Variants in SLC24A3 observed in about 807,000 individuals in gnomAD.
SLC24A3 encodes the protein solute carrier family 24 member 3.
In SLC24A3, 28 loss-of-function variants were observed where a neutral mutation model predicts 75.8. That is an observed-to-expected ratio of 0.37 (90% CI 0.27 to 0.51). The LOEUF is 0.51. Ranked by LOEUF, SLC24A3 falls within the 20% of genes least tolerant of loss-of-function variation. The pLI is 0.94. For missense variants in SLC24A3, 663 were observed against 847.8 expected (o/e 0.78, Z 2.71); for synonymous variants, 372 against 334.1 (o/e 1.11, Z -1.24).
At chr20:19,510,192 G>T (rs1292498328) in intron 2 of SLC24A3, among the ~76,000 whole-genome samples, 1 of 152,178 alleles carries the variant, frequency 6.6e-6, no homozygotes, top group Non-Finnish European at 1.5e-5. Context: ...GGCAACAAAT[G>T]CCCTTTGCAA....
intron 2 of SLC24A3, among the ~76,000 whole-genome samples, chr20:19,337,462 A>T (rs1476635451): frequency 1.7e-4 from 22 of 132,236 alleles, no homozygotes; most frequent in East Asian, 1.6e-3. Flanking sequence ...GTAAATAAAT[A>T]AATAAATAAA....
At chr20:19,273,774 A>T (rs545545582) in intron 1 of SLC24A3, among the ~76,000 whole-genome samples, 1 of 151,818 alleles carries the variant, frequency 6.6e-6, no homozygotes, top group African/African-American at 2.4e-5. Flanking sequence ...ATCCTCTTCC[A>T]TGAGCTGTCT....
intron 2 of SLC24A3, among the ~76,000 whole-genome samples, chr20:19,422,555 C>T (rs1310535662): frequency 2.6e-5 from 4 of 152,232 alleles, no homozygotes; most frequent in South Asian, 2.1e-4. Flanking sequence ...AAAATGCTGA[C>T]GGTCATTCTC....
intron 2 of SLC24A3, among the ~76,000 whole-genome samples, chr20:19,325,044 A>G (rs1600429837): frequency 6.8e-6 from 1 of 147,748 alleles, no homozygotes; most frequent in Non-Finnish European, 1.5e-5. Flanking sequence ...TAATGACACT[A>G]TCTCATTCTT....
intron 4 of SLC24A3, among the ~76,000 whole-genome samples, chr20:19,582,681 T>C (rs975657252): frequency 1.3e-5 from 2 of 152,274 alleles, no homozygotes; most frequent in African/African-American, 4.8e-5. Flanking sequence ...AGTCCAGAGA[T>C]ACCATTGCAG....
intron 2 of SLC24A3, among the ~76,000 whole-genome samples, chr20:19,439,359 AT>A (rs1987261768): frequency 6.6e-6 from 1 of 152,096 alleles, no homozygotes; most frequent in Admixed American, 6.5e-5. Context: ...GGTTTAAAAA[AT>A]TTTTTTCTTC....
At chr20:19,641,531 C>T (rs753369465) in intron 6 of SLC24A3, among the ~76,000 whole-genome samples, 1 of 152,184 alleles carries the variant, frequency 6.6e-6, no homozygotes, top group Non-Finnish European at 1.5e-5. Flanking sequence ...TGTGACTTCT[C>T]GAAATCTCAT....
intron 2 of SLC24A3, among the ~76,000 whole-genome samples, chr20:19,475,791 T>C (rs1367861839): frequency 6.6e-6 from 1 of 152,236 alleles, no homozygotes; most frequent in Non-Finnish European, 1.5e-5. Context: ...AATTTATTTT[T>C]AGATTTACCT....
chr20:19,417,287 A>G (rs1018895287), intron 2 of SLC24A3, among the ~76,000 whole-genome samples: 1 of 152,230 alleles, frequency 6.6e-6, no homozygotes, highest in Non-Finnish European at 1.5e-5. Context: ...GGAGACAACT[A>G]TTGGTTAAAC....
At chr20:19,453,177 C>G (rs539829623) in intron 2 of SLC24A3, among the ~76,000 whole-genome samples, 3 of 152,222 alleles carry the variant, frequency 2.0e-5, no homozygotes, top group African/African-American at 7.2e-5. Context: ...GAGACTCTGC[C>G]TCGAACAACA....
intron 6 of SLC24A3, among the ~76,000 whole-genome samples, chr20:19,630,933 G>A (rs143574657): frequency 0.011 from 1,746 of 152,290 alleles, 16 homozygotes; most frequent in Middle Eastern, 0.041. Flanking sequence ...GGTGGAGCAC[G>A]TTAGCTGCTT....
chr20:19,258,401 GA>G (rs1568570867), intron 1 of SLC24A3, among the ~76,000 whole-genome samples: 1 of 152,208 alleles, frequency 6.6e-6, no homozygotes, highest in Non-Finnish European at 1.5e-5. Context: ...AAATACAGAG[GA>G]ATAGTAATAA....
intron 2 of SLC24A3, among the ~76,000 whole-genome samples, chr20:19,412,035 C>G (rs7271207): frequency 0.17 from 26,496 of 152,036 alleles, 4,425 homozygotes; most frequent in African/African-American, 0.41. Context: ...ACGGCCTCTT[C>G]TTCTGCAACA....
chr20:19,570,463 C>T (rs2031034495), intron 3 of SLC24A3, among the ~76,000 whole-genome samples: 1 of 152,088 alleles, frequency 6.6e-6, no homozygotes, highest in South Asian at 2.1e-4. Context: ...CCATGCAGCA[C>T]CTGGTACTGG....
intron 1 of SLC24A3, among the ~76,000 whole-genome samples, chr20:19,254,284 C>T (rs760900976): frequency 6.6e-6 from 1 of 152,168 alleles, no homozygotes; most frequent in Non-Finnish European, 1.5e-5. Context: ...GGGGTTCCCT[C>T]ACAAGTCACA....
intron 15 of SLC24A3, among the ~76,000 whole-genome samples, chr20:19,714,866 C>T (rs916801201): frequency 2.6e-5 from 4 of 152,314 alleles, no homozygotes; most frequent in South Asian, 2.1e-4. Flanking sequence ...AGGGAATTTT[C>T]CTGCTAGGAG....
At chr20:19,476,660 C>T (rs770285202) in intron 2 of SLC24A3, among the ~76,000 whole-genome samples, 9 of 152,238 alleles carry the variant, frequency 5.9e-5, no homozygotes, top group Middle Eastern at 3.4e-3. Context: ...AACATATTGT[C>T]GGAGAGAGTT....
chr20:19,260,867 C>T (rs1057109386), intron 1 of SLC24A3, among the ~76,000 whole-genome samples: 1 of 152,242 alleles, frequency 6.6e-6, no homozygotes, highest in Non-Finnish European at 1.5e-5. Flanking sequence ...GCTCCTCTTA[C>T]TCAGTGACTT....
intron 2 of SLC24A3, among the ~76,000 whole-genome samples, chr20:19,364,646 G>T (rs1213875519): frequency 6.6e-6 from 1 of 152,044 alleles, no homozygotes; most frequent in Non-Finnish European, 1.5e-5. Context: ...GTAGACGTGG[G>T]GTTTTGCCAT....
Sources: allele counts gnomAD v4.1 joint callset (sites outside exome capture counted in the v4.1 genomes callset), GRCh38; gene constraint gnomAD v4.1.1; transcripts MANE v1.5; gene names NCBI Gene and HGNC (gene_info 2026-07-23, HGNC 2026-07-21).